Variants in APTX observed in about 807,000 individuals in gnomAD.
APTX encodes the protein aprataxin.
APTX carries 33 observed loss-of-function variants against 42.3 expected under a neutral mutation model. That is an observed-to-expected ratio of 0.78 (90% CI 0.59 to 1.04). The LOEUF (loss-of-function observed/expected upper bound fraction) is 1.04. APTX is among the 50% of genes least tolerant of loss of function. The probability of loss-of-function intolerance (pLI) is 0.00; values close to 1 mark genes in which losing one functional copy is unlikely to be tolerated. For missense variants in APTX, 421 were observed against 415.1 expected, an observed-to-expected ratio of 1.01 and a Z score of -0.12; for synonymous variants, 130 against 146.7, an observed-to-expected ratio of 0.89 and a Z score of 0.82.
In APTX at chr9:32,981,808, G is replaced by A. The variant is rs79545219; in HGVS notation, c.770+2823C>T. ...GAACTAATGAGAAAGACAGAACAGC[G>A]CTTTCACACAGAATAATTTCAACTA... On this transcript the variant is annotated intron_variant, in intron 6 of 7. Transcript: ENST00000379817. 5.4e-3 allele frequency among the ~76,000 whole-genome samples: 822 copies of A among 152,018 alleles called. 9 individuals carry two copies. Among genetic ancestry groups the A allele is most frequent in the African/African-American group, 0.019 (794 of 41,456 alleles).
chr9:33,011,210 C>T (rs1289537768), intron 1 of APTX, among the ~76,000 whole-genome samples: 1 of 151,706 alleles, frequency 6.6e-6, no homozygotes, highest in Non-Finnish European at 1.5e-5. Context: ...GAGCACAGAC[C>T]TGAAAGAAGA....
intron 1 of APTX, among the ~76,000 whole-genome samples, chr9:33,015,453 G>A (rs1280690603): frequency 6.6e-6 from 1 of 152,074 alleles, no homozygotes; most frequent in Non-Finnish European, 1.5e-5. Context: ...CCACCTCCCG[G>A]GTTCAAGTGA....
chr9:32,994,688 A>G (rs555327818), intron 1 of APTX, among the ~76,000 whole-genome samples: 2 of 152,282 alleles, frequency 1.3e-5, no homozygotes, highest in African/African-American at 2.4e-5. Flanking sequence ...CGTTATTATT[A>G]TATCTGTTAC....
intron 1 of APTX, among the ~76,000 whole-genome samples, chr9:32,990,471 C>A (rs1833333419): frequency 6.6e-6 from 1 of 152,206 alleles, no homozygotes; most frequent in South Asian, 2.1e-4. Context: ...TCACACCTGG[C>A]CTGTTACACA....
At chr9:33,015,050 T>A (rs1000152451) in intron 1 of APTX, among the ~76,000 whole-genome samples, 7 of 152,246 alleles carry the variant, frequency 4.6e-5, no homozygotes, top group African/African-American at 1.4e-4. Flanking sequence ...GTCATTCTTG[T>A]ATGCCTTTTA....
chr9:33,017,938 C>T (rs889539238), intron 1 of APTX, among the ~76,000 whole-genome samples: 1 of 143,080 alleles, frequency 7.0e-6, no homozygotes, highest in Non-Finnish European at 1.5e-5. Flanking sequence ...GCCCCCCCCC[C>T]CCTCCCATTT....
chr9:33,022,388 T>C (rs1838458419), intron 1 of APTX, among the ~76,000 whole-genome samples: 1 of 152,174 alleles, frequency 6.6e-6, no homozygotes, highest in African/African-American at 2.4e-5. Context: ...TTAGCAAAGA[T>C]TTAACAACAA....
At position 32,987,534 on chromosome 9, in the gene APTX, C is replaced by T. The variant is rs1467865719; in HGVS notation, c.483+10G>A. The T allele has an allele frequency of 6.2e-7, 1 of 1,613,286 alleles. No individual in the cohort carries two copies. The highest frequency in any genetic ancestry group is 8.5e-7 in the Non-Finnish European group (1 of 1,180,040). Reference sequence around the variant, plus strand: ...TTCTCCACATCATCTACCAATCACACTACCCTCACCTTTTTGATAGGTGCA... The same window carrying T: ...TTCTCCACATCATCTACCAATCACATTACCCTCACCTTTTTGATAGGTGCA... On this transcript the variant is annotated intron_variant, in intron 4 of 7. Coordinates refer to ENST00000379817, the MANE Select transcript of APTX (RefSeq NM_001195248.2).
intron 1 of APTX, among the ~76,000 whole-genome samples, chr9:33,023,568 G>A (rs148348783): frequency 2.0e-5 from 3 of 152,162 alleles, no homozygotes; most frequent in African/African-American, 7.2e-5. Flanking sequence ...ACACTGCCTG[G>A]TAATATTAGA....
chr9:33,020,955 C>A (rs1838326418), intron 1 of APTX, among the ~76,000 whole-genome samples: 1 of 151,844 alleles, frequency 6.6e-6, no homozygotes, highest in African/African-American at 2.4e-5. Flanking sequence ...ATGGAGAAAC[C>A]CTGTCTCTAC....
intron 1 of APTX, among the ~76,000 whole-genome samples, chr9:32,992,914 A>G (rs1833970357): frequency 6.6e-6 from 1 of 152,218 alleles, no homozygotes; most frequent in South Asian, 2.1e-4. Context: ...TGATGGTGTT[A>G]TGGGCAGGTC....
Position 33,011,445 on chromosome 9 carries a change from G to T in APTX, c.-5+13578C>A, listed in dbSNP as rs1009495298. On this transcript the variant is annotated intron_variant, in intron 1 of 6. Coordinates refer to the APTX transcript ENST00000436040. ...TGGGATTACAGGCGCCTGCCACCAC[G>T]CCCGGCTAATTTTTTATTTTTAGTA... is the stretch of plus-strand genomic sequence containing the variant. 2.6e-5 allele frequency among the ~76,000 whole-genome samples: 4 copies of T among 151,724 alleles called. 1 individual carries two copies. The highest frequency in any genetic ancestry group is 2.0e-4 in the Admixed American group (3 of 15,234).
intron 1 of APTX, chr9:33,001,208 A>G (rs1489361025): frequency 3.0e-5 from 31 of 1,039,176 alleles, no homozygotes; most frequent in Admixed American, 8.1e-5. Context: ...AGGTCCCTCA[A>G]GTGCCTTTCA....
At chr9:33,022,364 T>G (rs1838456560) in intron 1 of APTX, among the ~76,000 whole-genome samples, 1 of 152,226 alleles carries the variant, frequency 6.6e-6, no homozygotes, top group Non-Finnish European at 1.5e-5. Context: ...AGATATCACT[T>G]TTTATCTCCA....
intron 2 of APTX, among the ~76,000 whole-genome samples, chr9:32,988,664 G>C (rs1563969810): frequency 9.2e-6 from 1 of 108,464 alleles, no homozygotes; most frequent in Non-Finnish European, 1.7e-5. Flanking sequence ...CTGGGCAACA[G>C]AGTGAGACCC....
chr9:32,988,218 C>A, intron 2 of APTX, 89 bp from the exon 3 acceptor site: 1 of 1,186,790 alleles, frequency 8.4e-7, no homozygotes, highest in Non-Finnish European at 1.3e-6. Flanking sequence ...AGCTTCACTA[C>A]AGGCGGCAGC....
At chr9:33,020,169 A>G (rs1486305901) in intron 1 of APTX, 1 of 304,798 alleles carries the variant, frequency 3.3e-6, no homozygotes, top group East Asian at 5.3e-5. Context: ...TTTGTAAACT[A>G]AAGAAAAAAG....
intron 1 of APTX, chr9:33,019,858 C>T (rs1838227332): frequency 9.2e-6 from 6 of 649,828 alleles, no homozygotes; most frequent in Non-Finnish European, 1.7e-5. Context: ...CCTTCCCAAC[C>T]ACCCTTTGGT....
At chr9:33,000,369 G>A (rs79705471) in intron 1 of APTX, among the ~76,000 whole-genome samples, 6,165 of 152,290 alleles carry the variant, frequency 0.04, 191 homozygotes, top group East Asian at 0.13. Context: ...GCTCACGCCT[G>A]TAATCCCAAC....
Sources: gnomAD v4.1 joint callset for allele counts (sites outside exome capture counted in the v4.1 genomes callset) on GRCh38, gnomAD v4.1.1 for gene constraint, MANE v1.5 for transcripts, NCBI Gene and HGNC (gene_info 2026-07-23, HGNC 2026-07-21) for gene names.